The following ARHGAP32 variants were observed in gnomAD, a reference collection of about 807,000 sequenced individuals.
ARHGAP32 encodes Rho GTPase activating protein 32.
A neutral mutation model predicts 186.5 loss-of-function variants in ARHGAP32; 51 were observed. The observed-to-expected ratio is 0.27, with a 90% confidence interval of 0.22 to 0.35. The LOEUF is 0.35. Among genes scored for constraint, ARHGAP32 ranks in the 10% least tolerant of loss-of-function variants. The pLI is 1.00. For missense variants in ARHGAP32, 2,186 were observed against 2,623.5 expected, an observed-to-expected ratio of 0.83 and a Z score of 3.64; for synonymous variants, 950 against 964.3, an observed-to-expected ratio of 0.99 and a Z score of 0.27.
rs376095621 is a variant in ARHGAP32 at position 129,125,957 on chromosome 11, A to C, written c.226-1063T>G. ...ACAGAACTCATTCCATCTTGCGGCT[A>C]CCACACGGATTCAATGAAACTTTTT... On this transcript the variant is annotated intron_variant, in intron 2 of 22. Transcript: ENST00000682385. 94 of 432,428 alleles carry C rather than the reference A, an allele frequency of 2.2e-4. 1 individual carries two copies. Among genetic ancestry groups the C allele is most frequent in the African/African-American group, 1.2e-3 (60 of 48,428 alleles). 26.8% of individuals were successfully genotyped at this position (432,428 alleles called of 1,614,324 possible).
chr11:129,023,813 T>A (rs1290437142), intron 11 of ARHGAP32: 3 of 867,844 alleles, frequency 3.5e-6, no homozygotes, highest in Non-Finnish European at 4.2e-6. Flanking sequence ...AAATTCTGAA[T>A]GTTGCTTGAG....
intron 18 of ARHGAP32, among the ~76,000 whole-genome samples, chr11:128,980,260 G>C (rs1012483336): frequency 5.9e-5 from 9 of 152,190 alleles, no homozygotes; most frequent in African/African-American, 2.2e-4. Context: ...ATAGTTCAGA[G>C]AGCAAAATCA....
At position 129,051,874 on chromosome 11, in the gene ARHGAP32, G is replaced by A. The variant is rs1033478919; in HGVS notation, c.963+10406C>T. 2.6e-4 allele frequency among the ~76,000 whole-genome samples: 37 copies of A among 143,458 alleles called. 1 individual carries two copies. Among genetic ancestry groups the A allele is most frequent in the Admixed American group, 2.6e-3 (35 of 13,590 alleles). 94.1% of individuals were successfully genotyped at this position (143,458 alleles called of 152,430 possible). A position where few individuals can be genotyped will look rare whatever the true frequency, so the allele number is the denominator to read the frequency against. On this transcript the variant is annotated intron_variant, in intron 10 of 22. Coordinates refer to ENST00000682385, the MANE Select transcript of ARHGAP32 (RefSeq NM_001378024.1). ...GGAAGCTGAAGTGGGAGAATCGCTT[G>A]AACCCAGGAGGCGGAGGTTGCAGTG...
chr11:129,013,077 T>G (rs1270574156), intron 11 of ARHGAP32, among the ~76,000 whole-genome samples: 26 of 152,218 alleles, frequency 1.7e-4, no homozygotes, highest in Admixed American at 1.7e-3. Context: ...GAAACGTGGC[T>G]ATCTTTTCCT....
At chr11:129,211,175 TTTTTTAACTAACTG>T (rs2135592162) in intron 1 of ARHGAP32, among the ~76,000 whole-genome samples, 1 of 151,832 alleles carries the variant, frequency 6.6e-6, no homozygotes, top group African/African-American at 2.4e-5. Context: ...CTCTGACATG[TTTTTTAACTAACTG>T]TTTTTAACTA....
chr11:129,235,900 AACACACACACAC>A (rs57291313), intron 1 of ARHGAP32, among the ~76,000 whole-genome samples: 15 of 145,658 alleles, frequency 1.0e-4, no homozygotes, highest in African/African-American at 1.8e-4. Flanking sequence ...GTCATTCATA[AACACACACACAC>A]ACACACACAC....
chr11:129,230,689 G>C (rs1358544098), intron 1 of ARHGAP32, among the ~76,000 whole-genome samples: 2 of 152,104 alleles, frequency 1.3e-5, no homozygotes, highest in Non-Finnish European at 2.9e-5. Context: ...GTATGTGCCT[G>C]AGAGTAAAAC....
At position 128,972,815 on chromosome 11, in the gene ARHGAP32, G is replaced by C; in HGVS notation, c.3691C>G (p.Leu1231Val). The C allele has an allele frequency of 1.9e-6, 3 of 1,614,010 alleles. No individual in the cohort carries two copies. The highest frequency in any genetic ancestry group is 1.7e-6 in the Non-Finnish European group (2 of 1,179,986). Reference sequence around the variant, plus strand: ...TGGAGTTTATCCACACTTGCACCAAGATAAGAAGGAGGCTGATCTCCACTG... The same window carrying C: ...TGGAGTTTATCCACACTTGCACCAACATAAGAAGGAGGCTGATCTCCACTG... Reference protein sequence around the residue: ...FYSGDQPPSYLGASVDKLHHP... With the variant: ...FYSGDQPPSYVGASVDKLHHP... Residue 1231 changes from leucine (L) to valine (V), a missense_variant, in exon 22 of 23, where the codon CTT becomes GTT. Leu to Val is a conservative substitution (Grantham distance 32). Transcript: ENST00000682385.
chr11:129,258,998 C>T (rs1945289767), intron 1 of ARHGAP32, among the ~76,000 whole-genome samples: 1 of 152,152 alleles, frequency 6.6e-6, no homozygotes, highest in South Asian at 2.1e-4. Context: ...CTATCATAAC[C>T]TATGAGCTAA....
intron 1 of ARHGAP32, among the ~76,000 whole-genome samples, chr11:129,255,074 T>C (rs1165571410): frequency 2.6e-5 from 4 of 152,136 alleles, no homozygotes; most frequent in Non-Finnish European, 5.9e-5. Flanking sequence ...CAATCCTCAG[T>C]GTTAGCTAAG....
chr11:129,113,950 C>T (rs1254667157), intron 5 of ARHGAP32, among the ~76,000 whole-genome samples: 1 of 152,072 alleles, frequency 6.6e-6, no homozygotes, highest in Non-Finnish European at 1.5e-5. Flanking sequence ...TTTACATTTC[C>T]AGGCTCAAGG....
intron 1 of ARHGAP32, among the ~76,000 whole-genome samples, chr11:129,206,238 GT>G (rs1944512265): frequency 6.6e-6 from 1 of 151,800 alleles, no homozygotes; most frequent in Admixed American, 6.6e-5. Flanking sequence ...CTGAAACATG[GT>G]CTCACTCTGT....
At chr11:129,204,271 T>C (rs921032096) in intron 1 of ARHGAP32, among the ~76,000 whole-genome samples, 6 of 152,006 alleles carry the variant, frequency 3.9e-5, no homozygotes, top group African/African-American at 1.4e-4. Flanking sequence ...CTCCTAATGT[T>C]AATGATACTG....
At chr11:129,036,380 CAAAAA>C (rs58678377) in intron 11 of ARHGAP32, among the ~76,000 whole-genome samples, 2 of 98,684 alleles carry the variant, frequency 2.0e-5, no homozygotes, top group African/African-American at 4.5e-5. Context: ...AACTCCGTCT[CAAAAA>C]AAAAAAAAAA....
intron 10 of ARHGAP32, among the ~76,000 whole-genome samples, chr11:129,058,063 T>C (rs965449944): frequency 6.6e-6 from 1 of 152,038 alleles, no homozygotes; most frequent in African/African-American, 2.4e-5. Context: ...TTTACTACAG[T>C]AGCCCTAGCA....
chr11:129,054,659 T>C (rs901913559), intron 10 of ARHGAP32, among the ~76,000 whole-genome samples: 3 of 152,102 alleles, frequency 2.0e-5, no homozygotes, highest in Admixed American at 6.6e-5. Context: ...AGAACACAAA[T>C]CTATTAATAA....
chr11:129,241,668 G>T (rs552277670), intron 1 of ARHGAP32, among the ~76,000 whole-genome samples: 1 of 152,128 alleles, frequency 6.6e-6, no homozygotes, highest in Admixed American at 6.5e-5. Flanking sequence ...CCAAAAACAG[G>T]TAAGTAGATA....
chr11:129,114,115 C>T (rs1942300060), intron 5 of ARHGAP32, among the ~76,000 whole-genome samples: 1 of 152,110 alleles, frequency 6.6e-6, no homozygotes, highest in Admixed American at 6.6e-5. Flanking sequence ...TGGTCTCTCT[C>T]CATCTCCATC....
At position 129,148,489 on chromosome 11, in the gene ARHGAP32, G is replaced by A. The variant is rs991148252; in HGVS notation, c.225+15830C>T. 2.0e-5 allele frequency among the ~76,000 whole-genome samples: 3 copies of A among 152,314 alleles called. 1 individual carries two copies. The South Asian group carries it at 6.2e-4, about 32-fold the overall frequency. On this transcript the variant is annotated intron_variant, in intron 2 of 22. Transcript: ENST00000682385. ...CAGTCTCCAGCTCAAGCCCAGGGAA[G>A]CCATCCCCAACTATACCTCACAGGG...
Sources: allele counts gnomAD v4.1 joint callset (sites outside exome capture counted in the v4.1 genomes callset), GRCh38; gene constraint gnomAD v4.1.1; transcripts MANE v1.5; gene names NCBI Gene and HGNC (gene_info 2026-07-23, HGNC 2026-07-21).